LRP1: variants seen among roughly 807,000 people sequenced by gnomAD.
LRP1 encodes the protein LDL receptor related protein 1.
A neutral mutation model predicts 541.5 loss-of-function variants in LRP1; 51 were observed. The ratio of observed to expected loss-of-function variants is 0.09; its 90% CI spans 0.08 to 0.12. LRP1 has a LOEUF of 0.12. LRP1 is among the 10% of genes least tolerant of loss of function. LRP1 has a pLI of 1.00. For synonymous variants in LRP1, 2,219 were observed against 2,470.8 expected (o/e 0.90, Z 3.02); for missense variants, 3,878 against 6,376.2 (o/e 0.61, Z 13.34).
chr12:57,184,615 GA>G lies in LRP1; in HGVS notation c.6186+164del, dbSNP rs1254031464. ...GTAGGACTCCTGCTACCACAGAGATGATGGGCAGGGGTCGCTCAGAAGTGGG... is the reference window on the plus strand; with the variant it reads ...GTAGGACTCCTGCTACCACAGAGATGTGGGCAGGGGTCGCTCAGAAGTGGG... On this transcript the variant is annotated intron_variant, in intron 38 of 88. Coordinates refer to ENST00000243077, the MANE Select transcript of LRP1 (RefSeq NM_002332.3). The surrounding 1 kb of genome is among the most constrained non-coding windows in gnomAD (Gnocchi z 7.8). 2.0e-5 allele frequency among the ~76,000 whole-genome samples: 3 copies of G among 152,222 alleles called. No homozygotes were observed. Among genetic ancestry groups the G allele is most frequent in the African/African-American group, 7.2e-5 (3 of 41,458 alleles).
intron 11 of LRP1, 105 bp from the exon 12 acceptor site, chr12:57,159,720 T>G (rs1243680777): frequency 3.5e-6 from 4 of 1,157,860 alleles, no homozygotes; most frequent in African/African-American, 1.5e-5. Context: ...TGCACCCCTC[T>G]GTAGCCCAGA....
chr12:57,141,408 C>T lies in LRP1; in HGVS notation c.225C>T (p.Asn75=), dbSNP rs148631104. 107 of 1,614,054 alleles carry T rather than the reference C, an allele frequency of 6.6e-5. No homozygotes were observed. Among genetic ancestry groups the T allele is most frequent in the Admixed American group, 8.3e-5 (5 of 59,996 alleles). ...GTAAGGCCCAGCGATGCCAGCCAAA[C>T]GAGCATAACTGCCTGGGTACTGAGC... ...PQSKAQRCQP[N]EHNCLGTELC... Residue 75 remains asparagine (N), a synonymous_variant, in exon 3 of 89, where the codon AAC becomes AAT. Coordinates refer to ENST00000243077, the MANE Select transcript of LRP1 (RefSeq NM_002332.3).
Position 57,138,543 on chromosome 12 carries a change from G to A in LRP1, c.152G>A (p.Arg51Lys). 1 of 1,614,106 alleles carries A rather than the reference G, an allele frequency of 6.2e-7. No individual in the cohort carries two copies. Among genetic ancestry groups the A allele is most frequent in the African/African-American group, 1.3e-5 (1 of 75,038 alleles). The change falls in exon 2 of 89, where the codon AGG (arginine) becomes AAG (lysine). Residue 51 changes from arginine to lysine, a missense_variant. By Grantham distance (26) the Arg-to-Lys change is conservative. Around this residue, in one of 13 missense-constraint regions of LRP1, gnomAD observed 293 missense variants for 403.7 expected, o/e 0.73. Coordinates refer to ENST00000243077, the MANE Select transcript of LRP1 (RefSeq NM_002332.3). ...AAGGGCTGGCGGTGCGACGGTGAGA[G>A]GGACTGCCCAGACGGATCTGACGAG... ...ISKGWRCDGE[R>K]DCPDGSDEAP... is the part of the protein sequence containing the mutation.
Position 57,201,385 on chromosome 12 carries a change from A to T in LRP1, c.10346-112A>T. ...TGGGGATAAACTGTTCCTTCCTCCG[A>T]AGAAGTTGCTGGCAGGACCAAGGCC... On this transcript the variant is annotated intron_variant, in intron 65 of 88. Coordinates refer to ENST00000243077, the MANE Select transcript of LRP1 (RefSeq NM_002332.3). The surrounding 1 kb of genome is among the most constrained non-coding windows in gnomAD (Gnocchi z 6.4). The T allele has an allele frequency of 6.7e-7, 1 of 1,486,272 alleles. No individual in the cohort carries two copies. The allele number at this position is 1,486,272 out of a possible 1,614,324, so 92.1% of individuals were successfully genotyped here.
At position 57,179,183 on chromosome 12, in the gene LRP1, AG is replaced by A. The variant is rs1227347023; in HGVS notation, c.4739-140del. ...TGTGAGAAGGGGCTGCAGGTCTGCC[AG>A]GGGGGCTGCACCCAGCGGGGTATGT... On this transcript the variant is annotated intron_variant, in intron 28 of 88. Coordinates refer to ENST00000243077, the MANE Select transcript of LRP1 (RefSeq NM_002332.3). This position sits in a 1 kb window ranked among gnomAD's most constrained non-coding sequence, Gnocchi z 6.8. The A allele has an allele frequency of 1.2e-5, 14 of 1,188,176 alleles. 1 individual carries two copies. The highest frequency in any genetic ancestry group is 6.7e-5 in the Admixed American group (3 of 44,684). 73.6% of individuals were successfully genotyped at this position (1,188,176 alleles called of 1,614,324 possible).
chr12:57,131,490 C>T (rs1290147964), intron 1 of LRP1, among the ~76,000 whole-genome samples: 1 of 152,100 alleles, frequency 6.6e-6, no homozygotes, highest in Non-Finnish European at 1.5e-5. Context: ...TTCCTCCACA[C>T]ACCCCCTTGA....
intron 48 of LRP1, 40 bp downstream of exon 48, chr12:57,194,052 C>A (rs2036472938): frequency 1.9e-6 from 3 of 1,561,678 alleles, no homozygotes; most frequent in African/African-American, 2.7e-5. Context: ...GGGCTCCTCC[C>A]CATCGCTCAC....
In LRP1 at chr12:57,178,018, G is replaced by A. The variant is rs1022643107; in HGVS notation, c.4362-341G>A. On this transcript the variant is annotated intron_variant, in intron 26 of 88. Coordinates refer to ENST00000243077, the MANE Select transcript of LRP1 (RefSeq NM_002332.3). The surrounding 1 kb of genome is among the most constrained non-coding windows in gnomAD (Gnocchi z 5.8). Reference sequence around the variant, plus strand: ...GGCTGGAGTGCAGTGGCGCGATCTCGGCTCACTGCAGGCTCCGCCCCCCGG... The same window carrying A: ...GGCTGGAGTGCAGTGGCGCGATCTCAGCTCACTGCAGGCTCCGCCCCCCGG... 1.1e-4 allele frequency among the ~76,000 whole-genome samples: 17 copies of A among 150,056 alleles called. No homozygotes were observed. The highest frequency in any genetic ancestry group is 8.0e-4 in the Admixed American group (12 of 15,006).
At position 57,128,722 on chromosome 12, in the gene LRP1, G is replaced by C. The variant is rs1287748120; in HGVS notation, c.-243G>C. The C allele has an allele frequency of 9.6e-6, 4 of 418,788 alleles. No individual in the cohort carries two copies. The highest frequency in any genetic ancestry group is 8.0e-5 in the Admixed American group (2 of 24,906). 25.9% of individuals were successfully genotyped at this position (418,788 alleles called of 1,614,324 possible). A position where few individuals can be genotyped will look rare whatever the true frequency, so the allele number is the denominator to read the frequency against. On this transcript the variant is annotated 5_prime_UTR_variant, in exon 1 of 89. Transcript: ENST00000243077. ...AAGAGCAGCGAGGAGTGAAGCGGGG[G>C]GGTGGGGTGAAGGGTTTGGATTTCG...
At chr12:57,191,105 G>A in intron 43 of LRP1, 96 bp downstream of exon 43, 1 of 1,330,986 alleles carries the variant, frequency 7.5e-7, no homozygotes, top group Non-Finnish European at 1.0e-6. Context: ...AGACATGGTG[G>A]GAACAGCTGG....
At chr12:57,194,883 G>A (rs2036495643) in intron 50 of LRP1, 102 bp from the exon 51 acceptor site, 1 of 1,153,960 alleles carries the variant, frequency 8.7e-7, no homozygotes, top group Admixed American at 1.7e-5. Context: ...CCCCCACAGA[G>A]GGGTGCTGTG....
In LRP1 at chr12:57,185,739, G is replaced by T; in HGVS notation, c.6672G>T (p.Val2224=). The change falls in exon 41 of 89, where the codon GTG becomes GTT. Residue 2224 remains valine, a synonymous_variant. Coordinates refer to ENST00000243077, the MANE Select transcript of LRP1 (RefSeq NM_002332.3). This position sits in a 1 kb window ranked among gnomAD's most constrained non-coding sequence, Gnocchi z 4.9. ...LSDERNLNAP[V]QPFEDPEHMK... ...ATGAGCGCAACCTCAATGCGCCCGTGCAGCCCTTCGAGGACCCTGAGCACA... is the reference window on the plus strand; with the variant it reads ...ATGAGCGCAACCTCAATGCGCCCGTTCAGCCCTTCGAGGACCCTGAGCACA... 1 of 1,614,216 alleles carries T rather than the reference G, an allele frequency of 6.2e-7. No homozygotes were observed. The highest frequency in any genetic ancestry group is 1.7e-5 in the Admixed American group (1 of 60,028).
Position 57,159,835 on chromosome 12 carries a change from T to C in LRP1, c.1809T>C (p.Asn603=), listed in dbSNP as rs2035692125. 6.2e-7 allele frequency: 1 copy of C among 1,613,854 alleles called. No individual in the cohort carries two copies. The highest frequency in any genetic ancestry group is 1.7e-5 in the Admixed American group (1 of 60,004). The change falls in exon 12 of 89, where the codon AAT becomes AAC. Residue 603 remains asparagine (N), a synonymous_variant. Transcript: ENST00000243077. ...RETILKDGIH[N]VEGVAVDWMG... is the part of the protein sequence containing the mutation. ...CTCTTCCCCCAACAGGCATCCACAA[T>C]GTGGAGGGTGTGGCCGTGGACTGGA...
Position 57,149,485 on chromosome 12 carries a change from T to C in LRP1, c.841+3995T>C. 3 of 608,188 alleles carry C rather than the reference T, an allele frequency of 4.9e-6. No homozygotes were observed. In the Admixed American group the frequency reaches 8.3e-5, roughly 17 times the overall value. 37.7% of individuals were successfully genotyped at this position (608,188 alleles called of 1,614,324 possible). A position where few individuals can be genotyped will look rare whatever the true frequency, so the allele number is the denominator to read the frequency against. Reference sequence around the variant, plus strand: ...GCTCCCAGCACTCCCCTTGCTGTTTTCAAGCCAAAGGAAGTAACTTAAGCA... The same window carrying C: ...GCTCCCAGCACTCCCCTTGCTGTTTCCAAGCCAAAGGAAGTAACTTAAGCA... On this transcript the variant is annotated intron_variant, in intron 6 of 88. Coordinates refer to ENST00000243077, the MANE Select transcript of LRP1 (RefSeq NM_002332.3).
In LRP1 at chr12:57,201,840, C is replaced by A. The variant is rs543562619; in HGVS notation, c.10529C>A (p.Ala3510Glu). The change falls in exon 67 of 89, where the codon GCG (alanine) becomes GAG (glutamate). Residue 3510 changes from alanine to glutamate, a missense_variant. By Grantham distance (107) the Ala-to-Glu change is moderately radical (BLOSUM62 -1). Coordinates refer to ENST00000243077, the MANE Select transcript of LRP1 (RefSeq NM_002332.3). This position sits in a 1 kb window ranked among gnomAD's most constrained non-coding sequence, Gnocchi z 6.4. ...AAGGATTCGGGCCGCTGCATCCCAG[C>A]GCGTTGGAAGTGTGACGGAGAGGAT... ...RCKDSGRCIP[A>E]RWKCDGEDDC... is the part of the protein sequence containing the mutation. 42 of 1,613,952 alleles carry A rather than the reference C, an allele frequency of 2.6e-5. No individual in the cohort carries two copies. Among genetic ancestry groups the A allele is most frequent in the Non-Finnish European group, 3.3e-5 (39 of 1,180,018 alleles).
chr12:57,137,066 AC>A (rs961496736), intron 1 of LRP1, among the ~76,000 whole-genome samples: 4 of 151,686 alleles, frequency 2.6e-5, no homozygotes, highest in Non-Finnish European at 5.9e-5. Flanking sequence ...ACATGGAGAA[AC>A]CCCGTCTCTA....
At chr12:57,164,505 T>A (rs1038132994) in intron 15 of LRP1, 1 of 152,226 alleles carries the variant, frequency 6.6e-6, no homozygotes, top group Non-Finnish European at 1.5e-5. Flanking sequence ...TTTGATATAA[T>A]CACAACCCAT....
In LRP1 at chr12:57,160,779, C is replaced by A. The variant is rs552334880; in HGVS notation, c.1980-114C>A. ...ATGAAATGTGTGGTCCAGTGATGAG[C>A]AGGACAGGAGACCCCTGTGAGGAGC... On this transcript the variant is annotated intron_variant, in intron 12 of 88. Transcript: ENST00000243077. 59 of 702,332 alleles carry A rather than the reference C, an allele frequency of 8.4e-5. No homozygotes were observed. The South Asian group carries it at 9.8e-4, about 12-fold the overall frequency. 43.5% of individuals were successfully genotyped at this position (702,332 alleles called of 1,614,324 possible). A position where few individuals can be genotyped will look rare whatever the true frequency, so the allele number is the denominator to read the frequency against.
At position 57,173,992 on chromosome 12, in the gene LRP1, T is replaced by A; in HGVS notation, c.3547+12T>A. ...GGGCGAGCTCTGCGGTGAGGCCTGG[T>A]CCCAGGAGAAGGGTAGGGAGGGTGG... On this transcript the variant is annotated intron_variant, in intron 22 of 88. Transcript: ENST00000243077. The surrounding 1 kb of genome is among the most constrained non-coding windows in gnomAD (Gnocchi z 4.7). The A allele has an allele frequency of 1.2e-6, 2 of 1,613,406 alleles. No individual in the cohort carries two copies. The highest frequency in any genetic ancestry group is 1.1e-5 in the South Asian group (1 of 91,050).
Sources: gnomAD v4.1 joint callset for allele counts (sites outside exome capture counted in the v4.1 genomes callset) on GRCh38, gnomAD v4.1.1 for gene constraint, gnomAD v4.1.1 regional missense constraint, Gnocchi (gnomAD v3.1) non-coding constraint, MANE v1.5 for transcripts, NCBI Gene and HGNC (gene_info 2026-07-23, HGNC 2026-07-21) for gene names.